PCDHA9: variants seen among roughly 807,000 people sequenced by gnomAD.
PCDHA9 encodes protocadherin alpha-9.
In PCDHA9, 62 loss-of-function variants were observed where a neutral mutation model predicts 62.0. The observed-to-expected ratio is 1.00, with a 90% CI of 0.81 to 1.23. PCDHA9 has a LOEUF of 1.23. Ranked by LOEUF, PCDHA9 falls within the 50% of genes most tolerant of loss-of-function variation. The pLI is 0.00. For missense variants in PCDHA9, 1,205 were observed against 1,249.8 expected (o/e 0.96, Z 0.54); for synonymous variants, 557 against 567.6 (o/e 0.98, Z 0.27).
At chr5:140,856,416 A>C in intron 1 of PCDHA9, 1 of 1,598,486 alleles carries the variant, frequency 6.3e-7, no homozygotes, top group South Asian at 1.1e-5. Context: ...GTGGAAGTGA[A>C]GGACATTAAC....
rs17844337 is a variant in PCDHA9 at position 140,851,004 on chromosome 5, A to AT, written c.2394+123dup. The AT allele has an allele frequency of 8.9e-5, 128 of 1,434,992 alleles. 10 individuals are homozygous for AT. Among genetic ancestry groups the AT allele is most frequent in the East Asian group, 7.3e-4 (30 of 41,268 alleles). 88.9% of individuals were successfully genotyped at this position (1,434,992 alleles called of 1,614,324 possible). ...ATTCATTTTTCTAGAAATCCAGCAG[A>AT]TTTTTTTTCTGATAAAGTAAACCCC... On this transcript the variant is annotated intron_variant, in intron 1 of 3. Coordinates refer to ENST00000532602, the MANE Select transcript of PCDHA9 (RefSeq NM_031857.2).
chr5:140,950,279 C>G (rs938821559), intron 1 of PCDHA9, among the ~76,000 whole-genome samples: 11 of 151,924 alleles, frequency 7.2e-5, no homozygotes, highest in African/African-American at 2.4e-4. Flanking sequence ...TGTCTTTTTG[C>G]TTCAACCTGA....
chr5:140,871,625 A>C (rs1360108001), intron 1 of PCDHA9: 1 of 1,403,018 alleles, frequency 7.1e-7, no homozygotes, highest in Non-Finnish European at 9.4e-7. Context: ...TTAGATAACA[A>C]TGTCTGTTCA....
At chr5:140,888,286 C>A (rs1277980750) in intron 1 of PCDHA9, among the ~76,000 whole-genome samples, 7 of 152,080 alleles carry the variant, frequency 4.6e-5, no homozygotes, top group African/African-American at 1.7e-4. Context: ...TCCCCTCTAC[C>A]CCCTACCCAG....
At chr5:141,007,395 C>CAAAAAA (rs35800918) in intron 3 of PCDHA9, among the ~76,000 whole-genome samples, 36 of 94,826 alleles carry the variant, frequency 3.8e-4, no homozygotes, top group African/African-American at 6.0e-4. Context: ...TACTAAAATA[C>CAAAAAA]AAAAAAAAAA....
chr5:140,871,309 C>G (rs1554165416), intron 1 of PCDHA9: 1 of 1,614,028 alleles, frequency 6.2e-7, no homozygotes. Flanking sequence ...GCCGGGGAAG[C>G]CCACGCTGGT....
chr5:140,883,171 A>G, intron 1 of PCDHA9: 7 of 1,614,008 alleles, frequency 4.3e-6, no homozygotes, highest in Non-Finnish European at 5.9e-6. Flanking sequence ...ACAATGGAGA[A>G]ATTAGGACAA....
rs1554262965 is a variant in PCDHA9 at position 141,010,497 on chromosome 5, T to A, written c.*560T>A. Reference sequence around the variant, plus strand: ...AAGTGTAAACTTAAAGGGACCAGACTTTCTAAATCTTACAACTCAAGAGGT... The same window carrying A: ...AAGTGTAAACTTAAAGGGACCAGACATTCTAAATCTTACAACTCAAGAGGT... On this transcript the variant is annotated 3_prime_UTR_variant, in exon 4 of 4. Coordinates refer to ENST00000532602, the MANE Select transcript of PCDHA9 (RefSeq NM_031857.2). The A allele has an allele frequency of 1.7e-6, 1 of 584,358 alleles. No homozygotes were observed. Among genetic ancestry groups the A allele is most frequent in the African/African-American group, 1.9e-5 (1 of 53,100 alleles). 36.2% of individuals were successfully genotyped at this position (584,358 alleles called of 1,614,324 possible).
intron 1 of PCDHA9, chr5:140,877,193 G>C: frequency 6.2e-7 from 1 of 1,613,832 alleles, no homozygotes; most frequent in Non-Finnish European, 8.5e-7. Flanking sequence ...GGCAGCGCAG[G>C]AGGCGCAGTT....
chr5:140,968,715 A>G, intron 1 of PCDHA9: 1 of 1,614,132 alleles, frequency 6.2e-7, no homozygotes, highest in Non-Finnish European at 8.5e-7. Context: ...AAGATGGGAG[A>G]TGAGAGTGGT....
At chr5:140,990,627 A>G (rs782672988) in intron 3 of PCDHA9, among the ~76,000 whole-genome samples, 16 of 152,198 alleles carry the variant, frequency 1.1e-4, no homozygotes, top group Non-Finnish European at 1.5e-4. Flanking sequence ...GTCTGTGGTA[A>G]GACTAGAAGC....
intron 1 of PCDHA9, among the ~76,000 whole-genome samples, chr5:140,891,266 T>G (rs1301781810): frequency 1.3e-5 from 2 of 152,188 alleles, no homozygotes; most frequent in Non-Finnish European, 2.9e-5. Context: ...ATTTTTAATT[T>G]TTCCGTAAGT....
intron 3 of PCDHA9, among the ~76,000 whole-genome samples, chr5:140,996,703 C>G (rs2097740523): frequency 6.6e-6 from 1 of 152,132 alleles, no homozygotes; most frequent in African/African-American, 2.4e-5. Context: ...GAACCTCTAT[C>G]TCTTTGATTT....
intron 1 of PCDHA9, among the ~76,000 whole-genome samples, chr5:140,912,832 TA>T (rs1188685241): frequency 1.3e-5 from 2 of 152,202 alleles, no homozygotes; most frequent in African/African-American, 2.4e-5. Context: ...TGAATTTTAT[TA>T]AATGCTTTTT....
At chr5:140,984,174 G>A (rs557769828) in intron 3 of PCDHA9, among the ~76,000 whole-genome samples, 25 of 152,318 alleles carry the variant, frequency 1.6e-4, no homozygotes, top group African/African-American at 5.8e-4. Flanking sequence ...AAGAAGCCAC[G>A]TGAAATCATG....
chr5:140,849,744 A>G lies in PCDHA9; in HGVS notation c.1249A>G (p.Ser417Gly), dbSNP rs2150447733. Residue 417 changes from serine to glycine, a missense_variant, in exon 1 of 4, where the codon AGT becomes GGT. Physicochemically the swap from Ser to Gly is moderately conservative, Grantham distance 56. This residue lies in a region of PCDHA9 where 887 missense variants were observed against 809.5 expected (regional missense o/e 1.10). Coordinates refer to ENST00000532602, the MANE Select transcript of PCDHA9 (RefSeq NM_031857.2). ...LVLDRALDRE[S>G]VSAYELVVTA... ...GCTGGACAGAGCTCTGGACCGCGAG[A>G]GTGTGTCCGCCTACGAGCTGGTGGT... The G allele has an allele frequency of 1.1e-5, 18 of 1,598,098 alleles. No homozygotes were observed. In the South Asian group the frequency reaches 1.4e-4, roughly 13 times the overall value.
intron 3 of PCDHA9, among the ~76,000 whole-genome samples, chr5:140,999,252 T>C (rs1474093411): frequency 1.3e-5 from 2 of 152,204 alleles, no homozygotes; most frequent in African/African-American, 4.8e-5. Flanking sequence ...GGGAGTTGGA[T>C]TAGTAAAGGA....
rs569740487 is a variant in PCDHA9, at chr5:140,970,470, G to A, written c.2395-8479G>A. On this transcript the variant is annotated intron_variant, in intron 1 of 3. Transcript: ENST00000532602. Reference sequence around the variant, plus strand: ...AGTTTTGAGATTTAAGTAGGTATAAGGCCAGCTTGTTCATTATTATGAAGA... The same window carrying A: ...AGTTTTGAGATTTAAGTAGGTATAAAGCCAGCTTGTTCATTATTATGAAGA... Among the ~76,000 whole-genome samples the A allele has an allele frequency of 2.6e-5, 4 of 152,238 alleles. No homozygotes were observed. In the South Asian group the frequency reaches 8.3e-4, roughly 32 times the overall value.
intron 1 of PCDHA9, chr5:140,927,385 C>T (rs781913021): frequency 1.9e-6 from 3 of 1,614,098 alleles, no homozygotes; most frequent in Non-Finnish European, 1.7e-6. Flanking sequence ...CAGCCTAAGC[C>T]CCAGTCAGCA....
Sources: allele counts gnomAD v4.1 joint callset (sites outside exome capture counted in the v4.1 genomes callset), GRCh38; gene constraint gnomAD v4.1.1; regional missense constraint gnomAD v4.1.1; transcripts MANE v1.5; gene names NCBI Gene and HGNC (gene_info 2026-07-23, HGNC 2026-07-21).